The following CLYBL variants were observed in gnomAD, a reference collection of about 807,000 sequenced individuals.
CLYBL encodes citramalyl-CoA lyase, also known as citramalyl-CoA lyase, mitochondrial.
CLYBL carries 31 observed loss-of-function variants against 38.9 expected under a neutral mutation model. The ratio of observed to expected loss-of-function variants is 0.80; its 90% CI spans 0.60 to 1.08. The LOEUF is 1.08. CLYBL is among the 50% of genes least tolerant of loss of function. The pLI, the probability that CLYBL is intolerant of heterozygous loss-of-function variation, is 0.00. For synonymous variants in CLYBL, 171 were observed against 158.6 expected (o/e 1.08, Z -0.59); for missense variants, 434 against 411.6 (o/e 1.05, Z -0.47).
intron 1 of CLYBL, among the ~76,000 whole-genome samples, chr13:99,611,040 G>T (rs1204047051): frequency 6.6e-6 from 1 of 152,224 alleles, no homozygotes; most frequent in Non-Finnish European, 1.5e-5. Context: ...CAGAAATGGG[G>T]CTTTCCCCCT....
At chr13:99,759,675 G>T (rs2049129755) in intron 1 of CLYBL, among the ~76,000 whole-genome samples, 1 of 152,146 alleles carries the variant, frequency 6.6e-6, no homozygotes, top group African/African-American at 2.4e-5. Context: ...GGTGACAAGT[G>T]ACAGTTAATA....
intron 1 of CLYBL, among the ~76,000 whole-genome samples, chr13:99,697,706 G>A (rs1156798275): frequency 2.7e-5 from 4 of 149,540 alleles, no homozygotes; most frequent in African/African-American, 5.0e-5. Context: ...TTGTGCAGTG[G>A]CTCGATCTTG....
At chr13:99,872,968 G>T (rs1223032718) in intron 7 of CLYBL, among the ~76,000 whole-genome samples, 1 of 151,064 alleles carries the variant, frequency 6.6e-6, no homozygotes, top group Non-Finnish European at 1.5e-5. Context: ...AATAAGAAAT[G>T]CCCTCTCGTT....
At chr13:99,898,639 C>T (rs2052609153), downstream of CLYBL, among the ~76,000 whole-genome samples, 1 of 152,212 alleles carries the variant, frequency 6.6e-6, no homozygotes, top group Admixed American at 6.5e-5. Context: ...CTCAAGAGGC[C>T]CTGGCCACTG....
intron 7 of CLYBL, among the ~76,000 whole-genome samples, chr13:99,879,313 C>A (rs1189025277): frequency 2.0e-5 from 3 of 152,182 alleles, no homozygotes; most frequent in Non-Finnish European, 4.4e-5. Context: ...TTAACGCTGT[C>A]TATTCATTTT....
At chr13:99,863,897 G>A (rs1427908057) in intron 4 of CLYBL, among the ~76,000 whole-genome samples, 4 of 152,174 alleles carry the variant, frequency 2.6e-5, no homozygotes, top group Non-Finnish European at 5.9e-5. Flanking sequence ...GAACTGTACT[G>A]GAGAGAGAAT....
At chr13:99,793,766 CAATTCCTAGG>C (rs1212442456) in intron 2 of CLYBL, among the ~76,000 whole-genome samples, 1 of 151,694 alleles carries the variant, frequency 6.6e-6, no homozygotes. Flanking sequence ...TCTTTTCCTG[CAATTCCTAGG>C]AATCCAATTA....
chr13:99,728,334 A>G (rs911858172), intron 1 of CLYBL, among the ~76,000 whole-genome samples: 24 of 143,820 alleles, frequency 1.7e-4, no homozygotes, highest in Non-Finnish European at 2.5e-4. Context: ...GCTGGAGTGC[A>G]GTGGCACGAT....
At chr13:99,770,419 G>A (rs893999776) in intron 1 of CLYBL, among the ~76,000 whole-genome samples, 2 of 152,154 alleles carry the variant, frequency 1.3e-5, no homozygotes, top group South Asian at 2.1e-4. Context: ...CCGGGTTCAC[G>A]CCATTCTCCT....
chr13:99,863,265 A>G (rs901943157), intron 4 of CLYBL, among the ~76,000 whole-genome samples, 173 bp downstream of exon 4: 4 of 152,240 alleles, frequency 2.6e-5, no homozygotes, highest in Admixed American at 6.5e-5. Context: ...GGTTGCCAGC[A>G]TCTTAGAAAA....
intron 8 of CLYBL, 168 bp from the exon 9 acceptor site, chr13:99,892,275 C>T (rs1339284695): frequency 1.3e-5 from 2 of 152,142 alleles, no homozygotes; most frequent in Non-Finnish European, 2.9e-5. Context: ...GCATGTGGCC[C>T]CTGCGAGATT....
At chr13:99,707,521 C>A (rs574967362) in intron 1 of CLYBL, among the ~76,000 whole-genome samples, 1 of 152,178 alleles carries the variant, frequency 6.6e-6, no homozygotes, top group Admixed American at 6.5e-5. Flanking sequence ...ATCTGCCCCC[C>A]TCGGCCTCCC....
At position 99,636,749 on chromosome 13, in the gene CLYBL, A is replaced by G. The variant is rs530559524; in HGVS notation, c.62+29992A>G. Among the ~76,000 whole-genome samples the G allele has an allele frequency of 9.2e-5, 14 of 152,278 alleles. 1 individual carries two copies. The highest frequency in any genetic ancestry group is 5.9e-4 in the Admixed American group (9 of 15,292). ...TTCTTTTCTTGGGTAGGGTACAGATAAAATGATGGTTCTACGAGGGGTAAG... is the reference window on the plus strand; with the variant it reads ...TTCTTTTCTTGGGTAGGGTACAGATGAAATGATGGTTCTACGAGGGGTAAG... On this transcript the variant is annotated intron_variant, in intron 1 of 8. Coordinates refer to ENST00000339105, the MANE Select transcript of CLYBL (RefSeq NM_206808.5).
intron 2 of CLYBL, among the ~76,000 whole-genome samples, chr13:99,787,949 C>A (rs1428881348): frequency 6.6e-6 from 1 of 152,146 alleles, no homozygotes. Flanking sequence ...GTATTTTACT[C>A]TCTTTGTAGC....
chr13:99,824,462 A>G (rs1163776907), intron 2 of CLYBL, among the ~76,000 whole-genome samples: 2 of 152,194 alleles, frequency 1.3e-5, no homozygotes, highest in Non-Finnish European at 2.9e-5. Flanking sequence ...ATTTCTGGCA[A>G]ATAAAACAGT....
intron 2 of CLYBL, chr13:99,783,731 C>T (rs1340662575): frequency 6.6e-6 from 1 of 152,210 alleles, no homozygotes; most frequent in African/African-American, 2.4e-5. Context: ...AGGCATGAGC[C>T]ACCGTGCCTG....
chr13:99,786,492 A>T (rs9557303), intron 2 of CLYBL, among the ~76,000 whole-genome samples: 122,781 of 151,904 alleles, frequency 0.81, 50,329 homozygotes, highest in African/African-American at 0.94. Context: ...TTGCTAAGAA[A>T]GATGGTTTCC....
chr13:99,867,776 A>C (rs960870530), intron 6 of CLYBL, among the ~76,000 whole-genome samples: 2 of 152,092 alleles, frequency 1.3e-5, no homozygotes, highest in African/African-American at 4.8e-5. Context: ...CCAGGTGGCC[A>C]GATGTTGCTC....
chr13:99,625,751 A>G (rs1288163272), intron 1 of CLYBL, among the ~76,000 whole-genome samples: 3 of 152,340 alleles, frequency 2.0e-5, no homozygotes, highest in African/African-American at 7.2e-5. Context: ...TCTTTGTATT[A>G]TTCAGTCCCT....
Sources: gnomAD v4.1 joint callset for allele counts (sites outside exome capture counted in the v4.1 genomes callset) on GRCh38, gnomAD v4.1.1 for gene constraint, MANE v1.5 for transcripts, NCBI Gene and HGNC (gene_info 2026-07-23, HGNC 2026-07-21) for gene names.